IQSEC1: variants seen among roughly 807,000 people sequenced by gnomAD.
IQSEC1 encodes the protein IQ motif and SEC7 domain-containing protein 1.
In IQSEC1, 31 loss-of-function variants were observed where a neutral mutation model predicts 91.0. The ratio of observed to expected loss-of-function variants is 0.34; its 90% CI spans 0.26 to 0.46. The LOEUF is 0.46. Among genes scored for constraint, IQSEC1 ranks in the 20% least tolerant of loss-of-function variants. The pLI is 1.00. For missense variants in IQSEC1, 1,388 were observed against 1,575.6 expected (o/e 0.88, Z 2.02); for synonymous variants, 699 against 662.6 (o/e 1.05, Z -0.84).
chr3:13,134,550 C>T (rs913493643), intron 2 of IQSEC1, among the ~76,000 whole-genome samples: 1 of 152,230 alleles, frequency 6.6e-6, no homozygotes, highest in Non-Finnish European at 1.5e-5. Context: ...TCTTGGCATC[C>T]GCAGCGCGAG....
chr3:13,049,309 C>T (rs1370932899), intron 1 of IQSEC1, among the ~76,000 whole-genome samples: 1 of 152,212 alleles, frequency 6.6e-6, no homozygotes, highest in Non-Finnish European at 1.5e-5. Flanking sequence ...ACAGGCAGAG[C>T]CCACTGTTCC....
rs1575986340 is a variant in IQSEC1 at position 12,940,276 on chromosome 3, C to A, written c.318+1295G>T. Among the ~76,000 whole-genome samples, 1 of 151,986 alleles carries A rather than the reference C, an allele frequency of 6.6e-6. No individual in the cohort carries two copies. The highest frequency in any genetic ancestry group is 2.4e-5 in the African/African-American group (1 of 41,366). On this transcript the variant is annotated intron_variant, in intron 2 of 13. Coordinates refer to ENST00000613206, the MANE Select transcript of IQSEC1 (RefSeq NM_001134382.3). This position sits in a 1 kb window ranked among gnomAD's most constrained non-coding sequence, Gnocchi z 4.4. The stretch of plus-strand genomic sequence containing the variant: ...GCTTCCCTGTCAAGAGAGTGGACGA[C>A]CCCCAACCCCAGGCAGTATCTGCAC...
intron 1 of IQSEC1, among the ~76,000 whole-genome samples, chr3:13,180,238 A>G (rs906421194): frequency 2.6e-5 from 4 of 152,164 alleles, no homozygotes; most frequent in African/African-American, 7.2e-5. Flanking sequence ...AAATACACCA[A>G]TTGGCACTCT....
intron 2 of IQSEC1, among the ~76,000 whole-genome samples, chr3:13,158,876 C>T (rs1707124002): frequency 6.6e-6 from 1 of 152,012 alleles, no homozygotes; most frequent in African/African-American, 2.4e-5. Flanking sequence ...GCACGAGAAT[C>T]GCTGGAACCC....
chr3:12,920,430 C>T lies in IQSEC1; in HGVS notation c.2020G>A (p.Gly674Ser). Residue 674 changes from glycine (G) to serine (S), a missense_variant and splice_region_variant, in exon 6 of 14, where the codon GGT becomes AGT. By Grantham distance (56) the Gly-to-Ser change is moderately conservative (BLOSUM62 0). Transcript: ENST00000613206. ...KLEDFIKNLR[G>S]VDDGEDIPRE... The stretch of plus-strand genomic sequence containing the variant: ...TGGCCGACCGCCTGAGACAGCTCAC[C>T]TCGGAGGTTCTTGATGAAGTCCTCT... 6.2e-7 allele frequency: 1 copy of T among 1,613,868 alleles called. No individual in the cohort carries two copies. The highest frequency in any genetic ancestry group is 8.5e-7 in the Non-Finnish European group (1 of 1,179,774).
intron 1 of IQSEC1, among the ~76,000 whole-genome samples, chr3:12,998,010 A>G (rs965499269): frequency 1.2e-4 from 18 of 152,256 alleles, no homozygotes; most frequent in Admixed American, 1.1e-3. Context: ...ATTATAATTA[A>G]GACACATCCA....
chr3:13,278,451 G>A (rs902521375), intron 1 of IQSEC1, among the ~76,000 whole-genome samples: 2 of 152,230 alleles, frequency 1.3e-5, no homozygotes, highest in Non-Finnish European at 2.9e-5. Flanking sequence ...CAGCTTGAGA[G>A]GCCAGGAGTC....
At chr3:13,134,977 GGAATCTGACCATTCCCCAGGA>G (rs1706684440) in intron 2 of IQSEC1, among the ~76,000 whole-genome samples, 3 of 152,152 alleles carry the variant, frequency 2.0e-5, no homozygotes, top group African/African-American at 7.2e-5. Context: ...TGAGGACTGG[GGAATCTGACCATTCCCCAGGA>G]GGCAGAGCTC....
At chr3:13,096,050 C>G (rs996643846) in intron 2 of IQSEC1, among the ~76,000 whole-genome samples, 9 of 152,208 alleles carry the variant, frequency 5.9e-5, no homozygotes, top group Non-Finnish European at 1.3e-4. Flanking sequence ...GCCTCAGTAT[C>G]CGCATCTGTG....
chr3:13,033,458 C>A (rs969465330), intron 1 of IQSEC1, among the ~76,000 whole-genome samples: 10 of 152,110 alleles, frequency 6.6e-5, no homozygotes, highest in Admixed American at 6.5e-4. Context: ...TGTGTCTTCA[C>A]ACGGCATATT....
chr3:13,036,547 A>T (rs1173300689), intron 1 of IQSEC1, among the ~76,000 whole-genome samples: 3 of 152,194 alleles, frequency 2.0e-5, no homozygotes, highest in African/African-American at 7.2e-5. Flanking sequence ...CTCAAGCCAC[A>T]AAGCCACCCA....
chr3:13,056,873 T>C (rs1704898964), intron 1 of IQSEC1, among the ~76,000 whole-genome samples: 1 of 152,052 alleles, frequency 6.6e-6, no homozygotes, highest in Non-Finnish European at 1.5e-5. Context: ...AAAACTAAAA[T>C]ACAGAAGTTG....
chr3:13,004,227 ACAGCCAGAG>A (rs1702540386), intron 1 of IQSEC1, among the ~76,000 whole-genome samples: 1 of 152,244 alleles, frequency 6.6e-6, no homozygotes, highest in Non-Finnish European at 1.5e-5. Context: ...AGACAAAGAC[ACAGCCAGAG>A]GGTAGGGTGA....
chr3:13,078,505 G>C (rs553523791), intron 2 of IQSEC1, among the ~76,000 whole-genome samples: 9 of 152,058 alleles, frequency 5.9e-5, no homozygotes, highest in Admixed American at 1.3e-4. Flanking sequence ...TGTAGCCTGG[G>C]GGGGAAGGCC....
At chr3:13,245,583 A>G (rs559810360) in intron 1 of IQSEC1, among the ~76,000 whole-genome samples, 19 of 152,290 alleles carry the variant, frequency 1.2e-4, no homozygotes, top group Non-Finnish European at 2.4e-4. Flanking sequence ...CCTGGCCAAC[A>G]TGGCAAAACC....
chr3:12,915,581 G>GC lies in IQSEC1; in HGVS notation c.2160+12dup, dbSNP rs1369453959. On this transcript the variant is annotated intron_variant, in intron 7 of 13. Transcript: ENST00000613206. ...GTGCTGGGGCCCACCACGTACCAGG[G>GC]CCCATCACATACCGGCTTTTTCCCC... 1.2e-6 allele frequency: 2 copies of GC among 1,613,402 alleles called. No homozygotes were observed.
chr3:12,927,969 C>T (rs1697309473), intron 3 of IQSEC1, among the ~76,000 whole-genome samples: 1 of 151,576 alleles, frequency 6.6e-6, no homozygotes, highest in Non-Finnish European at 1.5e-5. Context: ...CTGCACTGTA[C>T]AGCAGGCCAT....
chr3:12,935,966 C>G lies in IQSEC1; in HGVS notation c.1050G>C (p.Ser350=). Residue 350 remains serine, a synonymous_variant, in exon 3 of 14, where the codon TCG becomes TCC. Transcript: ENST00000613206. This position sits in a 1 kb window ranked among gnomAD's most constrained non-coding sequence, Gnocchi z 8.0. ...GCAGCCGCTGCTCCTGCCGCTCCAG[C>G]GACGGCGTGCTCCGGCAGCTCGTGT... ...DTDTSCRSTP[S]LERQEQRLRV... 2 of 1,599,058 alleles carry G rather than the reference C, an allele frequency of 1.3e-6. No homozygotes were observed. Among genetic ancestry groups the G allele is most frequent in the South Asian group, 2.2e-5 (2 of 91,016 alleles).
intron 1 of IQSEC1, among the ~76,000 whole-genome samples, chr3:13,238,179 C>T (rs574871194): frequency 6.6e-6 from 1 of 152,306 alleles, no homozygotes; most frequent in South Asian, 2.1e-4. Flanking sequence ...GGTGCAGACA[C>T]ATCAGCCCAC....
Sources: gnomAD v4.1 joint callset for allele counts (sites outside exome capture counted in the v4.1 genomes callset) on GRCh38, gnomAD v4.1.1 for gene constraint, Gnocchi (gnomAD v3.1) non-coding constraint, MANE v1.5 for transcripts, NCBI Gene and HGNC (gene_info 2026-07-23, HGNC 2026-07-21) for gene names.